Variants in NHSL1 observed in about 807,000 individuals in gnomAD.
The protein encoded by NHSL1 is NHS-like protein 1.
NHSL1 carries 48 observed loss-of-function variants against 95.0 expected under a neutral mutation model. That is an observed-to-expected ratio of 0.51 (90% CI 0.40 to 0.64). NHSL1 has a LOEUF of 0.64. Among genes scored for constraint, NHSL1 ranks in the 30% least tolerant of loss-of-function variants. The probability of loss-of-function intolerance (pLI) is 0.00; values close to 1 mark genes in which losing one functional copy is unlikely to be tolerated. For synonymous variants in NHSL1, 783 were observed against 833.9 expected (o/e 0.94, Z 1.05); for missense variants, 1,971 against 2,077.7 (o/e 0.95, Z 1.00).
chr6:138,523,627 G>GCAAAAAA (rs1484248538), intron 1 of NHSL1, among the ~76,000 whole-genome samples: 1 of 64,890 alleles, frequency 1.5e-5, no homozygotes, highest in Non-Finnish European at 3.2e-5. Flanking sequence ...TTTTAAAGAG[G>GCAAAAAA]AAAAAAAAAA....
At position 138,423,868 on chromosome 6, in the gene NHSL1, T is replaced by G; in HGVS notation, c.*213A>C. Reference sequence around the variant, plus strand: ...TCCCCGGGAAGCACTTTCAGAAGTTTAAGCTTCTACTTGTTCTTAAGCCAC... The same window carrying G: ...TCCCCGGGAAGCACTTTCAGAAGTTGAAGCTTCTACTTGTTCTTAAGCCAC... On this transcript the variant is annotated 3_prime_UTR_variant, in exon 8 of 8. Transcript: ENST00000343505. 2.5e-6 allele frequency: 1 copy of G among 397,730 alleles called. No homozygotes were observed. Among genetic ancestry groups the G allele is most frequent in the Non-Finnish European group, 4.3e-6 (1 of 231,788 alleles). The allele number at this position is 397,730 out of a possible 1,614,324, so 24.6% of individuals were successfully genotyped here. A position where few individuals can be genotyped will look rare whatever the true frequency, so the allele number is the denominator to read the frequency against.
intron 1 of NHSL1, among the ~76,000 whole-genome samples, chr6:138,505,595 C>T (rs1454972582): frequency 7.1e-6 from 1 of 139,978 alleles, no homozygotes; most frequent in Non-Finnish European, 1.5e-5. Flanking sequence ...GCGGAGGTTG[C>T]AGTGAGCTGA....
At chr6:138,497,037 C>A (rs1484650204) in intron 1 of NHSL1, among the ~76,000 whole-genome samples, 1 of 152,086 alleles carries the variant, frequency 6.6e-6, no homozygotes, top group Non-Finnish European at 1.5e-5. Context: ...TGACTCTTCC[C>A]AACACAATCC....
intron 1 of NHSL1, among the ~76,000 whole-genome samples, chr6:138,598,627 GAA>G (rs35482505): frequency 3.0e-4 from 26 of 86,850 alleles, no homozygotes; most frequent in East Asian, 1.6e-3. Context: ...TCATCTGGAA[GAA>G]AAAAAAAAAA....
intron 1 of NHSL1, among the ~76,000 whole-genome samples, chr6:138,522,377 C>T (rs1781718364): frequency 6.6e-6 from 1 of 152,240 alleles, no homozygotes; most frequent in African/African-American, 2.4e-5. Flanking sequence ...TGTGGTGGCT[C>T]ACGCCTGTAA....
At chr6:138,558,214 C>T (rs1259635526) in intron 1 of NHSL1, among the ~76,000 whole-genome samples, 2 of 151,986 alleles carry the variant, frequency 1.3e-5, no homozygotes, top group Non-Finnish European at 2.9e-5. Flanking sequence ...CCTCCGCCTC[C>T]TGGATTCAAG....
chr6:138,690,598 G>A (rs1785652763), intron 1 of NHSL1, among the ~76,000 whole-genome samples: 1 of 151,970 alleles, frequency 6.6e-6, no homozygotes, highest in Non-Finnish European at 1.5e-5. Flanking sequence ...AAAATTAGCC[G>A]GGCGTGGTGG....
intron 1 of NHSL1, among the ~76,000 whole-genome samples, chr6:138,681,312 G>T (rs1487041359): frequency 4.6e-5 from 7 of 152,232 alleles, no homozygotes; most frequent in Non-Finnish European, 8.8e-5. Flanking sequence ...GGGAGTTGAT[G>T]CTGGACAGAA....
At chr6:138,427,057 A>G (rs529408015) in intron 7 of NHSL1, among the ~76,000 whole-genome samples, 93 of 152,354 alleles carry the variant, frequency 6.1e-4, no homozygotes, top group African/African-American at 2.1e-3. Flanking sequence ...CACCACTTAC[A>G]TGGTCTACTC....
chr6:138,549,940 A>T (rs1053105020), upstream of NHSL1, among the ~76,000 whole-genome samples: 1 of 151,614 alleles, frequency 6.6e-6, no homozygotes, highest in Non-Finnish European at 1.5e-5. Context: ...TTATCATATT[A>T]AAAAAAAATC....
intron 3 of NHSL1, among the ~76,000 whole-genome samples, chr6:138,463,793 C>T (rs1778160666): frequency 6.6e-6 from 1 of 152,082 alleles, no homozygotes; most frequent in Non-Finnish European, 1.5e-5. Context: ...TCTTATATGT[C>T]ACTCGGTAGT....
At chr6:138,578,429 A>G (rs1784002482) in intron 1 of NHSL1, among the ~76,000 whole-genome samples, 1 of 152,306 alleles carries the variant, frequency 6.6e-6, no homozygotes, top group Middle Eastern at 3.4e-3. Context: ...GCAGTACATA[A>G]CCAAAAATGC....
At position 138,433,611 on chromosome 6, in the gene NHSL1, C is replaced by G; in HGVS notation, c.734G>C (p.Gly245Ala). 1 of 1,552,104 alleles carries G rather than the reference C, an allele frequency of 6.4e-7. No individual in the cohort carries two copies. Among genetic ancestry groups the G allele is most frequent in the Non-Finnish European group, 8.7e-7 (1 of 1,147,072 alleles). ...AGCAGACCGACAGCTATTGAACCTT[C>G]CTAGTGTAGAGTAGTGATCAGGGGT... ...VYTPDHYSTLGRFNSCRSAGQ... is the reference protein window; with the variant it reads ...VYTPDHYSTLARFNSCRSAGQ... The change falls in exon 6 of 8, where the codon GGA (glycine) becomes GCA (alanine). Residue 245 changes from glycine (G) to alanine (A), a missense_variant. By Grantham distance (60) the Gly-to-Ala change is moderately conservative. Coordinates refer to ENST00000343505, the MANE Select transcript of NHSL1 (RefSeq NM_001144060.2).
chr6:138,531,226 T>C (rs192195918), intron 1 of NHSL1, among the ~76,000 whole-genome samples: 1 of 152,310 alleles, frequency 6.6e-6, no homozygotes, highest in African/African-American at 2.4e-5. Flanking sequence ...TTGTCTGCAT[T>C]TTCTTGAATG....
intron 1 of NHSL1, among the ~76,000 whole-genome samples, chr6:138,635,950 TAAAAA>T (rs930630887): frequency 5.3e-5 from 5 of 94,386 alleles, no homozygotes; most frequent in African/African-American, 1.2e-4. Flanking sequence ...CCGTCTCTAC[TAAAAA>T]AAAAAAAAAA....
chr6:138,475,737 G>GA, intron 2 of NHSL1, among the ~76,000 whole-genome samples: 1 of 152,116 alleles, frequency 6.6e-6, no homozygotes, highest in South Asian at 2.1e-4. Context: ...CTTGGCGCTA[G>GA]GAGTTTGAGA....
At chr6:138,616,674 A>G (rs1464234065) in intron 1 of NHSL1, among the ~76,000 whole-genome samples, 4 of 152,278 alleles carry the variant, frequency 2.6e-5, no homozygotes, top group Admixed American at 2.0e-4. Context: ...CAGATCATAG[A>G]GCCCACCTGA....
chr6:138,502,948 T>G (rs963267715), upstream of NHSL1, among the ~76,000 whole-genome samples: 2 of 152,236 alleles, frequency 1.3e-5, no homozygotes, highest in African/African-American at 4.8e-5. Flanking sequence ...CATGCTTTCA[T>G]GCAAGGGAAT....
chr6:138,590,294 G>A (rs1315733979), intron 1 of NHSL1, among the ~76,000 whole-genome samples: 17 of 152,260 alleles, frequency 1.1e-4, no homozygotes, highest in East Asian at 5.8e-4. Context: ...CACTGCGCCC[G>A]GCCTACTCAT....
Sources: gnomAD v4.1 joint callset for allele counts (sites outside exome capture counted in the v4.1 genomes callset) on GRCh38, gnomAD v4.1.1 for gene constraint, MANE v1.5 for transcripts, NCBI Gene and HGNC (gene_info 2026-07-23, HGNC 2026-07-21) for gene names.